Variants in DHTKD1 observed in about 807,000 individuals in gnomAD.
DHTKD1 encodes the protein dehydrogenase E1 and transketolase domain containing 1.
Under a neutral mutation model 101.8 loss-of-function variants are expected in DHTKD1, and 78 were observed. That is an observed-to-expected ratio of 0.77 (90% confidence interval 0.64 to 0.93). The LOEUF (loss-of-function observed/expected upper bound fraction) is 0.93. Among genes scored for constraint, DHTKD1 ranks in the 40% least tolerant of loss-of-function variants. The pLI is 0.00. For synonymous variants in DHTKD1, 462 were observed against 450.3 expected (o/e 1.03, Z -0.33); for missense variants, 1,223 against 1,161.7 (o/e 1.05, Z -0.77).
intron 13 of DHTKD1, among the ~76,000 whole-genome samples, chr10:12,115,100 GAACA>G (rs386740940): frequency 0.97 from 146,555 of 151,794 alleles, 70,975 homozygotes; most frequent in Middle Eastern, 1. Flanking sequence ...CGGCCTGTTT[GAACA>G]GTTTCTTGAG....
intron 13 of DHTKD1, among the ~76,000 whole-genome samples, chr10:12,115,414 T>A (rs1416887677): frequency 1.3e-5 from 2 of 152,140 alleles, no homozygotes; most frequent in Non-Finnish European, 2.9e-5. Flanking sequence ...TTTAAGCAGT[T>A]TTTAGCATTC....
At chr10:12,080,206 A>G (rs1832792149) in intron 1 of DHTKD1, among the ~76,000 whole-genome samples, 1 of 151,670 alleles carries the variant, frequency 6.6e-6, no homozygotes, top group African/African-American at 2.4e-5. Flanking sequence ...AGGCTGAAGA[A>G]GGAGAATGGC....
intron 15 of DHTKD1, among the ~76,000 whole-genome samples, chr10:12,119,556 C>T (rs1200694560): frequency 1.4e-5 from 2 of 142,568 alleles, no homozygotes; most frequent in African/African-American, 5.3e-5. Context: ...GCGGAGCTTG[C>T]AGTGAGCCGA....
chr10:12,084,687 T>C lies in DHTKD1; in HGVS notation c.458T>C (p.Leu153Pro), dbSNP rs1253117210. The C allele has an allele frequency of 6.2e-7, 1 of 1,614,008 alleles. No homozygotes were observed. Among genetic ancestry groups the C allele is most frequent in the Non-Finnish European group, 8.5e-7 (1 of 1,180,034 alleles). Residue 153 changes from leucine (L) to proline (P), a missense_variant, in exon 3 of 17, where the codon CTG (leucine) becomes CCG (proline). Coordinates refer to ENST00000263035, the MANE Select transcript of DHTKD1 (RefSeq NM_018706.7). ...KDWFAKRFEE[L>P]QKETFTTEER... The stretch of plus-strand genomic sequence containing the variant: ...TGGTTTGCCAAGCGGTTTGAGGAAC[T>C]GCAAAAGGAGACGTTTACCACAGAA...
At chr10:12,072,506 CAAAT>C in intron 1 of DHTKD1, among the ~76,000 whole-genome samples, 2 of 143,254 alleles carry the variant, frequency 1.4e-5, no homozygotes, top group Non-Finnish European at 3.1e-5. Context: ...TAAATAAATA[CAAAT>C]AAATAATTAA....
At chr10:12,115,928 A>ATTTTT (rs762994821) in intron 13 of DHTKD1, among the ~76,000 whole-genome samples, 1 of 133,182 alleles carries the variant, frequency 7.5e-6, no homozygotes, top group East Asian at 2.1e-4. Flanking sequence ...ACACCCAGCA[A>ATTTTT]TTTTTTTTTT....
intron 13 of DHTKD1, among the ~76,000 whole-genome samples, chr10:12,115,553 C>G (rs1833402998): frequency 6.6e-6 from 1 of 152,132 alleles, no homozygotes; most frequent in African/African-American, 2.4e-5. Flanking sequence ...GAGTCAGTAT[C>G]TAGTCAATAG....
intron 7 of DHTKD1, among the ~76,000 whole-genome samples, chr10:12,097,434 A>G (rs1460305049): frequency 6.6e-6 from 1 of 151,904 alleles, no homozygotes; most frequent in African/African-American, 2.4e-5. Context: ...CACCATGCCA[A>G]GCTAATTTTT....
intron 14 of DHTKD1, among the ~76,000 whole-genome samples, chr10:12,118,123 CAG>C: frequency 6.6e-6 from 1 of 151,862 alleles, no homozygotes; most frequent in Non-Finnish European, 1.5e-5. Flanking sequence ...CTCCTGACCT[CAG>C]GTTATCCACC....
intron 1 of DHTKD1, among the ~76,000 whole-genome samples, chr10:12,071,272 G>T (rs1419254190): frequency 4.6e-5 from 7 of 152,126 alleles, no homozygotes; most frequent in African/African-American, 1.7e-4. Flanking sequence ...TGGCCACCAG[G>T]TTATGGGGAA....
intron 15 of DHTKD1, 67 bp downstream of exon 15, chr10:12,118,985 T>C: frequency 7.2e-7 from 1 of 1,392,774 alleles, no homozygotes; most frequent in Non-Finnish European, 9.5e-7. Flanking sequence ...CTCTTTTAAA[T>C]GAAAAGATGT....
At chr10:12,098,332 C>G (rs181036496) in intron 8 of DHTKD1, among the ~76,000 whole-genome samples, 1 of 152,074 alleles carries the variant, frequency 6.6e-6, no homozygotes, top group African/African-American at 2.4e-5. Context: ...TTTCAGGTGG[C>G]TTAAATAAAA....
intron 1 of DHTKD1, among the ~76,000 whole-genome samples, chr10:12,072,739 C>CTT (rs1271574765): frequency 2.8e-5 from 4 of 140,838 alleles, no homozygotes; most frequent in Non-Finnish European, 4.7e-5. Flanking sequence ...GGTGTTCTTC[C>CTT]TTTTTTTTTT....
rs1027955658 is a variant in DHTKD1 at position 12,068,957 on chromosome 10, G to A, written c.-77G>A. ...GGGCGGGGCTCCGGCCGCCTCTGAC[G>A]AGTCCCGGATTTACCAGGGCCGGTG... On this transcript the variant is annotated 5_prime_UTR_variant, in exon 1 of 17. Transcript: ENST00000263035. 4 of 1,555,414 alleles carry A rather than the reference G, an allele frequency of 2.6e-6. No homozygotes were observed. Among genetic ancestry groups the A allele is most frequent in the Admixed American group, 3.5e-5 (2 of 56,340 alleles).
At position 12,123,127 on chromosome 10, in the gene DHTKD1, A is replaced by C. The variant is rs1050116440; in HGVS notation, c.*2239A>C. On this transcript the variant is annotated 3_prime_UTR_variant, in exon 17 of 17. Transcript: ENST00000263035. ...TAATTTAGTGCCACTCATGTAAATCAGTAAAATCACAAAGGTCTATTTAAT... is the reference window on the plus strand; with the variant it reads ...TAATTTAGTGCCACTCATGTAAATCCGTAAAATCACAAAGGTCTATTTAAT... 1.3e-5 allele frequency: 2 copies of C among 152,364 alleles called. No individual in the cohort carries two copies. Among genetic ancestry groups the C allele is most frequent in the Admixed American group, 6.5e-5 (1 of 15,298 alleles). 9.4% of individuals were successfully genotyped at this position (152,364 alleles called of 1,614,324 possible).
chr10:12,109,513 C>T (rs989175519), intron 12 of DHTKD1, among the ~76,000 whole-genome samples: 6 of 150,760 alleles, frequency 4.0e-5, no homozygotes, highest in Admixed American at 1.4e-4. Flanking sequence ...ATCGAAGCAG[C>T]GAGCACAGTG....
At chr10:12,088,532 G>A (rs1282794194) in intron 4 of DHTKD1, among the ~76,000 whole-genome samples, 1 of 151,886 alleles carries the variant, frequency 6.6e-6, no homozygotes, top group Non-Finnish European at 1.5e-5. Context: ...AGGTAGCTTA[G>A]ACAGTTTAGT....
chr10:12,111,094 G>C (rs1349650181), intron 12 of DHTKD1, among the ~76,000 whole-genome samples: 2 of 151,298 alleles, frequency 1.3e-5, no homozygotes, highest in Non-Finnish European at 2.9e-5. Flanking sequence ...CTCTTTTGAG[G>C]AGTATTGCTG....
At chr10:12,077,758 G>C (rs907568523) in intron 1 of DHTKD1, among the ~76,000 whole-genome samples, 1 of 151,898 alleles carries the variant, frequency 6.6e-6, no homozygotes, top group East Asian at 1.9e-4. Context: ...GTACCTTCAC[G>C]TCGTACTCAT....
Sources: allele counts gnomAD v4.1 joint callset (sites outside exome capture counted in the v4.1 genomes callset), GRCh38; gene constraint gnomAD v4.1.1; transcripts MANE v1.5; gene names NCBI Gene and HGNC (gene_info 2026-07-23, HGNC 2026-07-21).